DCAF5: variants seen among roughly 807,000 people sequenced by gnomAD.
DCAF5 encodes the protein DDB1- and CUL4-associated factor 5.
DCAF5 carries 9 observed loss-of-function variants against 80.7 expected under a neutral mutation model. The observed-to-expected ratio is 0.11, with a 90% CI of 0.07 to 0.19. The LOEUF is 0.19. Ranked by LOEUF, DCAF5 falls within the 10% of genes least tolerant of loss-of-function variation. The probability of loss-of-function intolerance (pLI) is 1.00; values close to 1 mark genes in which losing one functional copy is unlikely to be tolerated. For synonymous variants in DCAF5, 433 were observed against 461.9 expected (o/e 0.94, Z 0.80); for missense variants, 842 against 1,205.7 (o/e 0.70, Z 4.47).
chr14:69,060,919 A>C (rs1426707514), intron 8 of DCAF5, among the ~76,000 whole-genome samples: 1 of 143,380 alleles, frequency 7.0e-6, no homozygotes, highest in Non-Finnish European at 1.5e-5. Flanking sequence ...AACAAAAGAA[A>C]ATGAAAATTA....
chr14:69,064,918 G>C (rs571983658), intron 7 of DCAF5, among the ~76,000 whole-genome samples: 1 of 152,092 alleles, frequency 6.6e-6, no homozygotes, highest in African/African-American at 2.4e-5. Flanking sequence ...ACAGCTGGAA[G>C]GTCTCATATA....
rs370272840 is a variant in DCAF5 at position 69,091,689 on chromosome 14, T to G, written c.864A>C (p.Ala288=). 2 of 1,614,034 alleles carry G rather than the reference T, an allele frequency of 1.2e-6. No individual in the cohort carries two copies. The highest frequency in any genetic ancestry group is 1.3e-5 in the African/African-American group (1 of 74,948). Residue 288 remains alanine, a synonymous_variant, in exon 6 of 9, where the codon GCA becomes GCC. Coordinates refer to ENST00000341516, the MANE Select transcript of DCAF5 (RefSeq NM_003861.3). ...CAGCATTTACCTGGTCACGATCTCC[T>G]GCAAAACAGCAGCTTTTCATGGTGC... ...NSCTMKSCCF[A]GDRDQYILSG...
At chr14:69,090,555 A>C (rs1208982416) in intron 6 of DCAF5, 2 of 152,814 alleles carry the variant, frequency 1.3e-5, no homozygotes, top group Non-Finnish European at 2.9e-5. Context: ...AAGACAATTC[A>C]ACAGGCATTT....
Position 69,053,715 on chromosome 14 carries a change from G to T in DCAF5, c.*142C>A. 1 of 724,264 alleles carries T rather than the reference G, an allele frequency of 1.4e-6. No homozygotes were observed. Among genetic ancestry groups the T allele is most frequent in the Non-Finnish European group, 2.2e-6 (1 of 458,966 alleles). The allele number at this position is 724,264 out of a possible 1,614,324, so 44.9% of individuals were successfully genotyped here. On this transcript the variant is annotated 3_prime_UTR_variant, in exon 9 of 9. Coordinates refer to ENST00000341516, the MANE Select transcript of DCAF5 (RefSeq NM_003861.3). Reference sequence around the variant, plus strand: ...ACCCGTTGTTGAATGTTGGATAGAAGGGAGCAGCATCAGACACAAAATTTC... The same window carrying T: ...ACCCGTTGTTGAATGTTGGATAGAATGGAGCAGCATCAGACACAAAATTTC...
At chr14:69,137,379 A>C (rs953032559) in intron 1 of DCAF5, among the ~76,000 whole-genome samples, 1 of 152,176 alleles carries the variant, frequency 6.6e-6, no homozygotes, top group African/African-American at 2.4e-5. Context: ...TAACCTGGAC[A>C]ATATGCTCTC....
At chr14:69,109,476 A>G (rs1307020816) in intron 5 of DCAF5, among the ~76,000 whole-genome samples, 2 of 152,254 alleles carry the variant, frequency 1.3e-5, no homozygotes, top group Non-Finnish European at 2.9e-5. Context: ...AGTTTCCCTC[A>G]TGCCTTCCTT....
intron 1 of DCAF5, among the ~76,000 whole-genome samples, chr14:69,136,110 A>G (rs1401512284): frequency 2.2e-5 from 3 of 136,578 alleles, no homozygotes; most frequent in Admixed American, 8.9e-5. Flanking sequence ...CTGATGTGTA[A>G]AACTTTTTTT....
At chr14:69,096,224 G>C (rs2039707931) in intron 5 of DCAF5, among the ~76,000 whole-genome samples, 1 of 152,168 alleles carries the variant, frequency 6.6e-6, no homozygotes, top group East Asian at 1.9e-4. Flanking sequence ...GGGAGATGAA[G>C]AACCTGGGCT....
intron 1 of DCAF5, among the ~76,000 whole-genome samples, chr14:69,125,344 G>C (rs1844018977): frequency 6.6e-6 from 1 of 152,178 alleles, no homozygotes; most frequent in African/African-American, 2.4e-5. Context: ...TAAACTGAAG[G>C]ACCAGAACAG....
chr14:69,116,297 T>C, intron 5 of DCAF5, 69 bp downstream of exon 5: 1 of 1,555,464 alleles, frequency 6.4e-7, no homozygotes, highest in Non-Finnish European at 8.7e-7. Flanking sequence ...CAACACTTAC[T>C]GGCTGGTCAC....
chr14:69,073,913 C>T (rs917014294), intron 7 of DCAF5, among the ~76,000 whole-genome samples: 13 of 152,184 alleles, frequency 8.5e-5, no homozygotes, highest in African/African-American at 3.1e-4. Flanking sequence ...AGACTTGTAT[C>T]CACAACCACC....
chr14:69,058,295 G>C (rs772169672), intron 8 of DCAF5, among the ~76,000 whole-genome samples: 1 of 151,998 alleles, frequency 6.6e-6, no homozygotes, highest in East Asian at 1.9e-4. Flanking sequence ...GTGGCGGGTA[G>C]ATCACTTGAG....
chr14:69,142,222 C>T (rs1330340853), intron 1 of DCAF5, among the ~76,000 whole-genome samples: 1 of 152,164 alleles, frequency 6.6e-6, no homozygotes, highest in African/African-American at 2.4e-5. Context: ...ATCACTTGAG[C>T]ATGGAGGGTC....
At chr14:69,109,523 C>T (rs369188972) in intron 5 of DCAF5, among the ~76,000 whole-genome samples, 8 of 152,118 alleles carry the variant, frequency 5.3e-5, no homozygotes, top group East Asian at 1.9e-4. Context: ...ACTATTCTGA[C>T]TTCCATAACT....
At chr14:69,080,526 G>T (rs905132397) in intron 6 of DCAF5, among the ~76,000 whole-genome samples, 1 of 152,160 alleles carries the variant, frequency 6.6e-6, no homozygotes, top group African/African-American at 2.4e-5. Context: ...AGTGAAATTG[G>T]AGGCACAGGT....
intron 2 of DCAF5, among the ~76,000 whole-genome samples, chr14:69,120,435 C>T (rs1450046169): frequency 1.3e-5 from 2 of 152,084 alleles, no homozygotes; most frequent in East Asian, 3.8e-4. Context: ...AATTTGATGA[C>T]TGTGATTCCA....
intron 1 of DCAF5, among the ~76,000 whole-genome samples, chr14:69,123,620 C>A (rs970671482): frequency 6.6e-6 from 1 of 152,180 alleles, no homozygotes; most frequent in African/African-American, 2.4e-5. Context: ...CCATTATTCA[C>A]CTTCAGAAAT....
At chr14:69,122,425 G>T (rs182995048) in intron 1 of DCAF5, 65 bp from the exon 2 acceptor site, 2 of 1,555,058 alleles carry the variant, frequency 1.3e-6, no homozygotes, top group Non-Finnish European at 1.8e-6. Context: ...AGATGGTTTT[G>T]CCAGCCTTGA....
At chr14:69,137,229 C>T (rs2041222692) in intron 1 of DCAF5, among the ~76,000 whole-genome samples, 1 of 152,096 alleles carries the variant, frequency 6.6e-6, no homozygotes, top group South Asian at 2.1e-4. Flanking sequence ...TCAAATAGAG[C>T]TGGGGGACAC....
Sources: gnomAD v4.1 joint callset for allele counts (sites outside exome capture counted in the v4.1 genomes callset) on GRCh38, gnomAD v4.1.1 for gene constraint, MANE v1.5 for transcripts, NCBI Gene and HGNC (gene_info 2026-07-23, HGNC 2026-07-21) for gene names.